Variants in NNT observed in about 807,000 individuals in gnomAD.
The protein encoded by NNT is NAD(P) transhydrogenase, mitochondrial.
NNT carries 50 observed loss-of-function variants against 104.8 expected under a neutral mutation model. That is an observed-to-expected ratio of 0.48 (90% CI 0.38 to 0.60). The LOEUF is 0.60. Among genes scored for constraint, NNT ranks in the 20% least tolerant of loss-of-function variants. NNT has a pLI of 0.00. For missense variants in NNT, 1,131 were observed against 1,330.7 expected, an observed-to-expected ratio of 0.85 and a Z score of 2.33; for synonymous variants, 461 against 490.4, an observed-to-expected ratio of 0.94 and a Z score of 0.79.
At chr5:43,643,788 T>C (rs908603019) in intron 7 of NNT, among the ~76,000 whole-genome samples, 2 of 152,266 alleles carry the variant, frequency 1.3e-5, no homozygotes, top group Non-Finnish European at 2.9e-5. Context: ...ACTCTTGACA[T>C]TGGTGACCTT....
chr5:43,666,870 T>G, intron 17 of NNT: 1 of 1,516,036 alleles, frequency 6.6e-7, no homozygotes. Context: ...CCTTGGCCTT[T>G]GGCCAGCACA....
At position 43,621,911 on chromosome 5, in the gene NNT, T is replaced by G. The variant is rs551983941; in HGVS notation, c.688-2121T>G. On this transcript the variant is annotated intron_variant, in intron 5 of 21. Transcript: ENST00000344920. ...GAAAAATAAAGAATACCATTGGTCT[T>G]GGAGTGTGGTGAACAAGATGAAGAG... is the stretch of plus-strand genomic sequence containing the variant. Among the ~76,000 whole-genome samples the G allele has an allele frequency of 2.0e-5, 3 of 152,280 alleles. No individual in the cohort carries two copies. The South Asian group carries it at 6.2e-4, about 32-fold the overall frequency.
At chr5:43,691,064 TGA>T (rs377384780) in intron 19 of NNT, among the ~76,000 whole-genome samples, 467 of 144,868 alleles carry the variant, frequency 3.2e-3, no homozygotes, top group Middle Eastern at 0.011. Flanking sequence ...AGAATTTTTT[TGA>T]GAGAGTGTGT....
Position 43,704,535 on chromosome 5 carries a change from C to A in NNT, c.*131C>A. 3 of 897,234 alleles carry A rather than the reference C, an allele frequency of 3.3e-6. No individual in the cohort carries two copies. The highest frequency in any genetic ancestry group is 4.8e-6 in the Non-Finnish European group (3 of 619,238). 55.6% of individuals were successfully genotyped at this position (897,234 alleles called of 1,614,324 possible). A position where few individuals can be genotyped will look rare whatever the true frequency, so the allele number is the denominator to read the frequency against. On this transcript the variant is annotated 3_prime_UTR_variant, in exon 22 of 22. Transcript: ENST00000344920. Reference sequence around the variant, plus strand: ...TGGAGAAAATGAAGACTGAAGAAAGCAAAGCAAAAACTGTATAGAGAGATT... The same window carrying A: ...TGGAGAAAATGAAGACTGAAGAAAGAAAAGCAAAAACTGTATAGAGAGATT...
Position 43,651,877 on chromosome 5 carries a change from T to C in NNT, c.1856T>C (p.Ile619Thr), listed in dbSNP as rs775121633. 5.6e-6 allele frequency: 9 copies of C among 1,614,044 alleles called. No homozygotes were observed. The African/African-American group carries it at 8.0e-5, about 14-fold the overall frequency. ...GCTGCCCTCTACAGTGGTTATAACA[T>C]TGAACAGGTAAGATGCTCTTTGTAA... ...YLAALYSGYNIEQIMYLGSGL... is the reference protein window; with the variant it reads ...YLAALYSGYNTEQIMYLGSGL... The change falls in exon 13 of 22, where the codon ATT becomes ACT. Residue 619 changes from isoleucine to threonine, a missense_variant. Coordinates refer to ENST00000344920, the MANE Select transcript of NNT (RefSeq NM_182977.3).
chr5:43,671,586 T>C (rs1417990357), intron 17 of NNT, among the ~76,000 whole-genome samples: 1 of 152,240 alleles, frequency 6.6e-6, no homozygotes, highest in Non-Finnish European at 1.5e-5. Flanking sequence ...GAAAATTCTT[T>C]TCTTTAAGAA....
chr5:43,632,694 T>C (rs530541282), intron 7 of NNT, among the ~76,000 whole-genome samples: 1 of 152,274 alleles, frequency 6.6e-6, no homozygotes, highest in African/African-American at 2.4e-5. Context: ...GCTCTCTACT[T>C]TCCTGTCCAG....
At chr5:43,694,888 C>G (rs1742480427) in intron 19 of NNT, among the ~76,000 whole-genome samples, 2 of 151,860 alleles carry the variant, frequency 1.3e-5, no homozygotes, top group South Asian at 2.1e-4. Context: ...GGTACCAGCT[C>G]TTCTTTGTAC....
chr5:43,613,037 G>C lies in NNT; in HGVS notation c.281G>C (p.Gly94Ala). 1 of 1,614,140 alleles carries C rather than the reference G, an allele frequency of 6.2e-7. No individual in the cohort carries two copies. Among genetic ancestry groups the C allele is most frequent in the South Asian group, 1.1e-5 (1 of 91,074 alleles). Residue 94 changes from glycine to alanine, a missense_variant, in exon 3 of 22, where the codon GGT (glycine) becomes GCT (alanine). By Grantham distance (60) the Gly-to-Ala change is moderately conservative. Coordinates refer to ENST00000344920, the MANE Select transcript of NNT (RefSeq NM_182977.3). ...KQGFNVVVESGAGEASKFSDD... is the reference protein window; with the variant it reads ...KQGFNVVVESAAGEASKFSDD... Reference sequence around the variant, plus strand: ...GGTTTTAATGTTGTCGTGGAATCGGGTGCGGGCGAAGCTTCCAAGTTCTCA... The same window carrying C: ...GGTTTTAATGTTGTCGTGGAATCGGCTGCGGGCGAAGCTTCCAAGTTCTCA...
intron 3 of NNT, among the ~76,000 whole-genome samples, chr5:43,614,777 T>C (rs1749687336): frequency 1.3e-5 from 2 of 152,258 alleles, no homozygotes; most frequent in South Asian, 4.1e-4. Flanking sequence ...TATTTGAAGG[T>C]TGATTTTAAA....
At chr5:43,661,595 A>G (rs1400535787) in intron 17 of NNT, among the ~76,000 whole-genome samples, 17 of 118,676 alleles carry the variant, frequency 1.4e-4, no homozygotes, top group Admixed American at 1.0e-3. Context: ...AGAGTGTGAT[A>G]TTCCCCTTCC....
At position 43,656,751 on chromosome 5, in the gene NNT, G is replaced by A; in HGVS notation, c.2392G>A (p.Asp798Asn). 1 of 1,614,150 alleles carries A rather than the reference G, an allele frequency of 6.2e-7. No individual in the cohort carries two copies. The highest frequency in any genetic ancestry group is 8.5e-7 in the Non-Finnish European group (1 of 1,180,008). The change falls in exon 16 of 22, where the codon GAC becomes AAC. Residue 798 changes from aspartate (D) to asparagine (N), a missense_variant. Coordinates refer to ENST00000344920, the MANE Select transcript of NNT (RefSeq NM_182977.3). ...GGGCGGGATAATCCCATTCATGGTG[G>A]ACCCAAGCTTTACTACTGGCATCAC... ...SVGGIIPFMV[D>N]PSFTTGITCL...
intron 4 of NNT, among the ~76,000 whole-genome samples, chr5:43,616,884 A>T (rs908335520): frequency 6.6e-6 from 1 of 152,226 alleles, no homozygotes; most frequent in Non-Finnish European, 1.5e-5. Context: ...GATTTTAATC[A>T]TGAAAACTAT....
At chr5:43,640,105 G>GATA (rs1469091950) in intron 7 of NNT, among the ~76,000 whole-genome samples, 2 of 151,916 alleles carry the variant, frequency 1.3e-5, no homozygotes, top group African/African-American at 4.8e-5. Context: ...AATACCTGAT[G>GATA]TGCTCATTAT....
intron 6 of NNT, among the ~76,000 whole-genome samples, chr5:43,626,490 G>GAAAT (rs1346609957): frequency 1.3e-5 from 2 of 151,860 alleles, no homozygotes; most frequent in Non-Finnish European, 2.9e-5. Flanking sequence ...AAATTCTAAG[G>GAAAT]AAATATTGGA....
At chr5:43,652,716 A>C (rs911184160) in intron 13 of NNT, among the ~76,000 whole-genome samples, 2 of 152,176 alleles carry the variant, frequency 1.3e-5, no homozygotes, top group African/African-American at 4.8e-5. Context: ...CTGTGACAAC[A>C]CAAATAAAAC....
intron 19 of NNT, among the ~76,000 whole-genome samples, chr5:43,682,600 G>A (rs1200542487): frequency 6.6e-6 from 1 of 152,190 alleles, no homozygotes; most frequent in Non-Finnish European, 1.5e-5. Context: ...TGGAGGAAGA[G>A]TCAAGGCTTG....
At chr5:43,658,827 G>T (rs1223277498) in intron 16 of NNT, among the ~76,000 whole-genome samples, 1 of 152,196 alleles carries the variant, frequency 6.6e-6, no homozygotes, top group Admixed American at 6.5e-5. Flanking sequence ...GGTACCAACA[G>T]GGGATTGCCC....
chr5:43,685,641 A>T (rs1741949408), intron 19 of NNT, among the ~76,000 whole-genome samples: 1 of 152,200 alleles, frequency 6.6e-6, no homozygotes, highest in Admixed American at 6.5e-5. Context: ...TTAATTAAAC[A>T]TTCTTAATAG....
Sources: gnomAD v4.1 joint callset for allele counts (sites outside exome capture counted in the v4.1 genomes callset) on GRCh38, gnomAD v4.1.1 for gene constraint, MANE v1.5 for transcripts, NCBI Gene and HGNC (gene_info 2026-07-23, HGNC 2026-07-21) for gene names.